Variants in FTO observed in about 807,000 individuals in gnomAD.
The protein encoded by FTO is FTO alpha-ketoglutarate dependent dioxygenase.
FTO carries 47 observed loss-of-function variants against 63.9 expected under a neutral mutation model. The ratio of observed to expected loss-of-function variants is 0.74; its 90% confidence interval spans 0.58 to 0.94. The LOEUF (loss-of-function observed/expected upper bound fraction) is 0.94. FTO is among the 40% of genes least tolerant of loss of function. The pLI is 0.00. For missense variants in FTO, 562 were observed against 618.1 expected, an observed-to-expected ratio of 0.91 and a Z score of 0.96; for synonymous variants, 207 against 224.4, an observed-to-expected ratio of 0.92 and a Z score of 0.69.
At chr16:54,105,144 T>C (rs2086722150) in intron 8 of FTO, among the ~76,000 whole-genome samples, 1 of 152,200 alleles carries the variant, frequency 6.6e-6, no homozygotes, top group Non-Finnish European at 1.5e-5. Flanking sequence ...TATTAATAAT[T>C]AGAGATAGTT....
chr16:53,947,287 G>A (rs1458466177), intron 8 of FTO, among the ~76,000 whole-genome samples: 7 of 152,302 alleles, frequency 4.6e-5, no homozygotes, highest in East Asian at 1.9e-4. Context: ...GGCAGGCAGC[G>A]CAGGTGGATG....
intron 7 of FTO, among the ~76,000 whole-genome samples, chr16:53,917,740 G>C (rs1349719686): frequency 2.1e-4 from 31 of 147,966 alleles, no homozygotes; most frequent in Non-Finnish European, 3.1e-4. Context: ...GTGTGTGTGT[G>C]TGTCCATCTG....
chr16:53,971,091 G>A (rs1194980863), intron 8 of FTO, among the ~76,000 whole-genome samples: 2 of 152,094 alleles, frequency 1.3e-5, no homozygotes, highest in African/African-American at 2.4e-5. Context: ...TTCACTTACT[G>A]TTAGAAGCAG....
At chr16:53,955,907 G>A (rs1431188957) in intron 8 of FTO, among the ~76,000 whole-genome samples, 2 of 152,134 alleles carry the variant, frequency 1.3e-5, no homozygotes, top group East Asian at 3.9e-4. Flanking sequence ...GCTTTGGAAG[G>A]CCAAGGTGGG....
intron 1 of FTO, among the ~76,000 whole-genome samples, chr16:53,787,888 C>G (rs2077792651): frequency 6.6e-6 from 1 of 152,196 alleles, no homozygotes; most frequent in Non-Finnish European, 1.5e-5. Flanking sequence ...TATGGAAGAG[C>G]AAACCCAGAT....
intron 8 of FTO, among the ~76,000 whole-genome samples, chr16:53,986,103 A>C (rs529416477): frequency 6.6e-6 from 1 of 152,300 alleles, no homozygotes; most frequent in South Asian, 2.1e-4. Flanking sequence ...CCTGCTCTAA[A>C]TCCTTTGCTT....
intron 8 of FTO, among the ~76,000 whole-genome samples, chr16:54,074,917 A>AGTGT (rs3040381): frequency 2.0e-3 from 265 of 134,256 alleles, no homozygotes; most frequent in South Asian, 7.4e-3. Flanking sequence ...AGAGAGAGAG[A>AGTGT]GTGTGTGTGT....
At chr16:53,969,255 A>G (rs181378238) in intron 8 of FTO, among the ~76,000 whole-genome samples, 1 of 150,578 alleles carries the variant, frequency 6.6e-6, no homozygotes, top group East Asian at 1.9e-4. Context: ...CCAGAGATAG[A>G]TATTGTTAAT....
chr16:53,755,514 G>A (rs1389746014), intron 1 of FTO, among the ~76,000 whole-genome samples: 2 of 152,176 alleles, frequency 1.3e-5, no homozygotes, highest in South Asian at 2.1e-4. Flanking sequence ...TGGAGCACTT[G>A]GAAGTTTCTT....
chr16:54,032,842 C>G (rs1344448284), intron 8 of FTO, among the ~76,000 whole-genome samples: 1 of 152,024 alleles, frequency 6.6e-6, no homozygotes, highest in Non-Finnish European at 1.5e-5. Context: ...TGTCCATGAT[C>G]TCATGGACAG....
At chr16:54,002,646 C>G (rs2084094801) in intron 8 of FTO, among the ~76,000 whole-genome samples, 1 of 152,164 alleles carries the variant, frequency 6.6e-6, no homozygotes. Flanking sequence ...TTCAGATCTT[C>G]AAAGCTTTTA....
chr16:53,881,020 G>A (rs1378447771), intron 6 of FTO, among the ~76,000 whole-genome samples: 2 of 151,052 alleles, frequency 1.3e-5, no homozygotes, highest in African/African-American at 2.4e-5. Context: ...TACTCGGGAG[G>A]CTGAAGCAGG....
At chr16:53,900,895 A>G (rs977464971) in intron 7 of FTO, among the ~76,000 whole-genome samples, 1 of 152,162 alleles carries the variant, frequency 6.6e-6, no homozygotes, top group African/African-American at 2.4e-5. Context: ...GTGTGAGTCC[A>G]GCAGCTAGAG....
At chr16:53,824,962 T>A (rs1286935718) in intron 2 of FTO, among the ~76,000 whole-genome samples, 1 of 152,240 alleles carries the variant, frequency 6.6e-6, no homozygotes, top group Non-Finnish European at 1.5e-5. Flanking sequence ...CCTACATTAA[T>A]CATTCCATGT....
At chr16:54,015,419 G>C (rs923853515) in intron 8 of FTO, among the ~76,000 whole-genome samples, 1 of 152,146 alleles carries the variant, frequency 6.6e-6, no homozygotes, top group Admixed American at 6.5e-5. Flanking sequence ...GCACCTTAAG[G>C]AGTAATTTTC....
chr16:53,905,417 A>G (rs1486535959), intron 7 of FTO, among the ~76,000 whole-genome samples: 1 of 152,174 alleles, frequency 6.6e-6, no homozygotes, highest in African/African-American at 2.4e-5. Flanking sequence ...GCCTGAGATA[A>G]TACATGTAGT....
intron 7 of FTO, among the ~76,000 whole-genome samples, chr16:53,891,669 A>G (rs998698349): frequency 6.6e-6 from 1 of 152,184 alleles, no homozygotes; most frequent in African/African-American, 2.4e-5. Flanking sequence ...TCACGTACAC[A>G]CACACAAATA....
At chr16:54,100,677 A>G (rs1196966496) in intron 8 of FTO, among the ~76,000 whole-genome samples, 1 of 152,126 alleles carries the variant, frequency 6.6e-6, no homozygotes, top group Admixed American at 6.6e-5. Flanking sequence ...AAATGTTTTT[A>G]TTAGTATTCT....
At chr16:54,010,331 A>G (rs924343079) in intron 8 of FTO, among the ~76,000 whole-genome samples, 1 of 152,178 alleles carries the variant, frequency 6.6e-6, no homozygotes, top group Non-Finnish European at 1.5e-5. Context: ...CCTTAAGCCC[A>G]GGAGTTGGAG....
Sources: allele counts gnomAD v4.1 joint callset (sites outside exome capture counted in the v4.1 genomes callset), GRCh38; gene constraint gnomAD v4.1.1; transcripts MANE v1.5; gene names NCBI Gene and HGNC (gene_info 2026-07-23, HGNC 2026-07-21).